Variants in CNTNAP3 observed in about 807,000 individuals in gnomAD.
The protein encoded by CNTNAP3 is contactin-associated protein-like 3.
A neutral mutation model predicts 92.1 loss-of-function variants in CNTNAP3; 36 were observed. The ratio of observed to expected loss-of-function variants is 0.39; its 90% CI spans 0.30 to 0.52. The LOEUF is 0.52. Among genes scored for constraint, CNTNAP3 ranks in the 20% least tolerant of loss-of-function variants. The pLI is 0.76. For missense variants in CNTNAP3, 534 were observed against 1,069.6 expected (o/e 0.50, Z 6.98); for synonymous variants, 232 against 422.3 (o/e 0.55, Z 5.53).
intron 23 of CNTNAP3, among the ~76,000 whole-genome samples, chr9:39,077,094 C>T (rs62568852): frequency 0.067 from 10,142 of 152,180 alleles, 111 homozygotes; most frequent in Admixed American, 0.12. Flanking sequence ...CTATGCTTAA[C>T]TTCACTTTTC....
At chr9:39,143,169 T>TCA (rs4062905) in intron 11 of CNTNAP3, among the ~76,000 whole-genome samples, 59,235 of 146,664 alleles carry the variant, frequency 0.4, 12,708 homozygotes, top group African/African-American at 0.53. Flanking sequence ...CCTTTGAAAT[T>TCA]CAGAGGGTGA....
intron 21 of CNTNAP3, among the ~76,000 whole-genome samples, chr9:39,084,269 T>C (rs1280736033): frequency 1.3e-5 from 2 of 148,618 alleles, no homozygotes. Context: ...CTCTGCTCAC[T>C]GCAAGCTCCG....
chr9:39,104,975 C>T (rs1185209011), intron 15 of CNTNAP3, among the ~76,000 whole-genome samples: 1 of 152,138 alleles, frequency 6.6e-6, no homozygotes, highest in Non-Finnish European at 1.5e-5. Context: ...TTTAAGGTTA[C>T]AGAAACACAA....
intron 12 of CNTNAP3, among the ~76,000 whole-genome samples, chr9:39,135,223 T>C (rs1821401899): frequency 6.6e-6 from 1 of 152,146 alleles, no homozygotes; most frequent in Non-Finnish European, 1.5e-5. Context: ...TATAAGCATA[T>C]TGGAACTGGA....
intron 18 of CNTNAP3, chr9:39,099,681 G>C: frequency 2.5e-6 from 2 of 795,636 alleles, no homozygotes; most frequent in Non-Finnish European, 3.9e-6. Context: ...AGATGCTAGG[G>C]GTAACCCAGA....
chr9:39,113,038 G>A (rs1820746065), intron 14 of CNTNAP3, among the ~76,000 whole-genome samples: 1 of 152,056 alleles, frequency 6.6e-6, no homozygotes, highest in Admixed American at 6.6e-5. Flanking sequence ...CAACAGCAGC[G>A]TTACTGATAT....
At chr9:39,094,422 T>A (rs1362068102) in intron 18 of CNTNAP3, among the ~76,000 whole-genome samples, 1 of 151,630 alleles carries the variant, frequency 6.6e-6, no homozygotes, top group African/African-American at 2.4e-5. Context: ...GGGTGATTTT[T>A]AAAAAACCAC....
rs1288446350 is a variant in CNTNAP3 at position 39,214,059 on chromosome 9, TGAAA to T, written c.391-20788_391-20785del. On this transcript the variant is annotated intron_variant, in intron 3 of 23. Coordinates refer to ENST00000297668, the MANE Select transcript of CNTNAP3 (RefSeq NM_033655.5). ...GGTGTCTTTAAAATGTTCAAGGCTC[TGAAA>T]GAAAGACAAGCCATTTGATATGAAT... 2.4e-4 allele frequency among the ~76,000 whole-genome samples: 13 copies of T among 53,066 alleles called. 6 individuals carry two copies. The highest frequency in any genetic ancestry group is 8.5e-4 in the Non-Finnish European group (13 of 15,272). The allele number at this position is 53,066 out of a possible 152,430, so 34.8% of individuals were successfully genotyped here.
At chr9:39,085,578 T>A (rs910154871) in intron 21 of CNTNAP3, 158 bp downstream of exon 21, 5 of 701,402 alleles carry the variant, frequency 7.1e-6, no homozygotes, top group Non-Finnish European at 1.2e-5. Context: ...TAGTCATGAT[T>A]ATATGTACAC....
rs773238134 is a variant in CNTNAP3 at position 39,123,091 on chromosome 9, A to ATTTT, written c.2081-4836_2081-4833dup. Among the ~76,000 whole-genome samples, 182 of 129,792 alleles carry ATTTT rather than the reference A, an allele frequency of 1.4e-3. 1 individual carries two copies. Among genetic ancestry groups the ATTTT allele is most frequent in the African/African-American group, 5.3e-3 (171 of 32,534 alleles). The allele number at this position is 129,792 out of a possible 152,430, so 85.1% of individuals were successfully genotyped here. A position where few individuals can be genotyped will look rare whatever the true frequency, so the allele number is the denominator to read the frequency against. ...ATAATATCCAAACTGTTGGACAATA[A>ATTTT]TTTTTTTTTTTTTTTTTTTTTGAGA... On this transcript the variant is annotated intron_variant, in intron 13 of 23. Coordinates refer to ENST00000297668, the MANE Select transcript of CNTNAP3 (RefSeq NM_033655.5).
chr9:39,104,250 G>A (rs929344319), intron 15 of CNTNAP3, among the ~76,000 whole-genome samples: 7 of 152,018 alleles, frequency 4.6e-5, no homozygotes, highest in South Asian at 2.1e-4. Context: ...TGAAGAACTC[G>A]GTAAGATGTG....
At chr9:39,138,382 C>T (rs1821493128) in intron 12 of CNTNAP3, among the ~76,000 whole-genome samples, 1 of 152,098 alleles carries the variant, frequency 6.6e-6, no homozygotes, top group South Asian at 2.1e-4. Context: ...CCATCACCAC[C>T]CTTACTTGGG....
rs149584135 is a variant in CNTNAP3 at position 39,085,498 on chromosome 9, T to C, written c.3442+238A>G. On this transcript the variant is annotated intron_variant, in intron 21 of 23. Transcript: ENST00000297668. ...AAATACCGTGATTCATTATGCATGA[T>C]TGCCAAGTGAGAGGTTAAGTGTGGA... 1,389 of 513,878 alleles carry C rather than the reference T, an allele frequency of 2.7e-3. 53 individuals carry two copies. Among genetic ancestry groups the C allele is most frequent in the African/African-American group, 0.025 (1,219 of 49,198 alleles). 31.8% of individuals were successfully genotyped at this position (513,878 alleles called of 1,614,324 possible). A position where few individuals can be genotyped will look rare whatever the true frequency, so the allele number is the denominator to read the frequency against.
At chr9:39,120,456 C>T (rs921025324) in intron 13 of CNTNAP3, among the ~76,000 whole-genome samples, 3 of 152,128 alleles carry the variant, frequency 2.0e-5, no homozygotes, top group East Asian at 1.9e-4. Context: ...GGGCGGATCA[C>T]GAGGTCAGAT....
chr9:39,089,373 C>T (rs1826138927), intron 18 of CNTNAP3, among the ~76,000 whole-genome samples: 1 of 152,136 alleles, frequency 6.6e-6, no homozygotes, highest in African/African-American at 2.4e-5. Flanking sequence ...CATCTTGTAG[C>T]ATGTATCAGT....
chr9:39,125,485 T>C (rs1227105483), intron 13 of CNTNAP3, among the ~76,000 whole-genome samples: 1 of 152,140 alleles, frequency 6.6e-6, no homozygotes, highest in African/African-American at 2.4e-5. Flanking sequence ...TGTGCACATG[T>C]ACCCTAGAAA....
intron 12 of CNTNAP3, among the ~76,000 whole-genome samples, chr9:39,135,323 A>G (rs1453902250): frequency 6.6e-6 from 1 of 151,756 alleles, no homozygotes; most frequent in Non-Finnish European, 1.5e-5. Context: ...CCCAGCTTGG[A>G]GTGCAGTGGC....
rs543401679 is a variant in CNTNAP3, at chr9:39,148,447, T to C, written c.1649+1359A>G. On this transcript the variant is annotated intron_variant, in intron 10 of 23. Coordinates refer to ENST00000297668, the MANE Select transcript of CNTNAP3 (RefSeq NM_033655.5). ...CCAGAGAGGATAATTTTACAGTTAATGTTTAAAACAGAATTGACTAACTGA... is the reference window on the plus strand; with the variant it reads ...CCAGAGAGGATAATTTTACAGTTAACGTTTAAAACAGAATTGACTAACTGA... Among the ~76,000 whole-genome samples the C allele has an allele frequency of 3.8e-3, 580 of 152,186 alleles. 3 individuals carry two copies. The highest frequency in any genetic ancestry group is 0.013 in the African/African-American group (556 of 41,516).
chr9:39,082,874 T>C, intron 21 of CNTNAP3, among the ~76,000 whole-genome samples: 1 of 152,336 alleles, frequency 6.6e-6, no homozygotes, highest in East Asian at 1.9e-4. Context: ...AGGCTTGCTG[T>C]GCCATGAGTA....
Sources: gnomAD v4.1 joint callset for allele counts (sites outside exome capture counted in the v4.1 genomes callset) on GRCh38, gnomAD v4.1.1 for gene constraint, MANE v1.5 for transcripts, NCBI Gene and HGNC (gene_info 2026-07-23, HGNC 2026-07-21) for gene names.